CCDC42: variants seen among roughly 807,000 people sequenced by gnomAD.
CCDC42 encodes the protein coiled-coil domain containing 42, also known as coiled-coil domain-containing protein 42.
A neutral mutation model predicts 40.8 loss-of-function variants in CCDC42; 38 were observed. The observed-to-expected ratio is 0.93, with a 90% CI of 0.72 to 1.22. The LOEUF (loss-of-function observed/expected upper bound fraction) is 1.22. Among genes scored for constraint, CCDC42 ranks in the 50% most tolerant of loss-of-function variants. The pLI is 0.00. For synonymous variants in CCDC42, 135 were observed against 157.5 expected (o/e 0.86, Z 1.07); for missense variants, 379 against 416.5 (o/e 0.91, Z 0.78).
In CCDC42 at chr17:8,737,870, C is replaced by T. The variant is rs538604294; in HGVS notation, c.493-2259G>A. Among the ~76,000 whole-genome samples, 21 of 152,356 alleles carry T rather than the reference C, an allele frequency of 1.4e-4. 1 individual carries two copies. Among genetic ancestry groups the T allele is most frequent in the Admixed American group, 4.6e-4 (7 of 15,308 alleles). ...TCACTCTATTGTTCAGGCTGGACTA[C>T]AGTGGCATAAACACAGCTCACTGCA... On this transcript the variant is annotated intron_variant, in intron 4 of 6. Coordinates refer to ENST00000293845, the MANE Select transcript of CCDC42 (RefSeq NM_144681.3).
chr17:8,732,066 C>T (rs1203270598), intron 6 of CCDC42, among the ~76,000 whole-genome samples: 3 of 151,784 alleles, frequency 2.0e-5, no homozygotes, highest in East Asian at 1.9e-4. Flanking sequence ...TTTGGGAGGC[C>T]GAGGCGGGCG....
In CCDC42 at chr17:8,743,616, C is replaced by G. The variant is rs377506665; in HGVS notation, c.294+10G>C. On this transcript the variant is annotated intron_variant, in intron 3 of 6. Transcript: ENST00000293845. The stretch of plus-strand genomic sequence containing the variant: ...CCCTGGCCACTGCGGCCGCCCACAC[C>G]CCTTCAAACCTGGATGAACTGCTCA... The G allele has an allele frequency of 1.3e-6, 2 of 1,551,850 alleles. No individual in the cohort carries two copies. Among genetic ancestry groups the G allele is most frequent in the African/African-American group, 2.7e-5 (2 of 73,530 alleles).
chr17:8,742,604 G>A (rs114016946), intron 3 of CCDC42, among the ~76,000 whole-genome samples: 27 of 152,334 alleles, frequency 1.8e-4, no homozygotes, highest in African/African-American at 5.8e-4. Flanking sequence ...ATGTGGTGGT[G>A]GCACTTGGAG....
chr17:8,743,782 G>C, intron 2 of CCDC42, 52 bp from the exon 3 acceptor site: 1 of 1,084,094 alleles, frequency 9.2e-7, no homozygotes, highest in Non-Finnish European at 1.4e-6. Context: ...CCTGACATGA[G>C]TACCAAGGAA....
intron 6 of CCDC42, among the ~76,000 whole-genome samples, chr17:8,734,558 T>G (rs1278787850): frequency 1.3e-5 from 2 of 152,000 alleles, no homozygotes; most frequent in African/African-American, 4.8e-5. Context: ...TGTTTGTTTG[T>G]TTTTTTGAGG....
chr17:8,732,317 A>C (rs909901855), intron 6 of CCDC42, among the ~76,000 whole-genome samples: 2 of 147,866 alleles, frequency 1.4e-5, no homozygotes, highest in African/African-American at 2.5e-5. Flanking sequence ...AAAAAAAAAA[A>C]AAAAAACCTG....
chr17:8,737,528 A>G (rs1049117485), intron 4 of CCDC42, among the ~76,000 whole-genome samples: 1 of 152,196 alleles, frequency 6.6e-6, no homozygotes, highest in East Asian at 1.9e-4. Flanking sequence ...TAGTAATCAA[A>G]TGGTGGATGA....
At chr17:8,742,989 A>T (rs1276495042) in intron 3 of CCDC42, among the ~76,000 whole-genome samples, 2 of 152,218 alleles carry the variant, frequency 1.3e-5, no homozygotes, top group East Asian at 3.8e-4. Context: ...CGGCTTAGGC[A>T]CAGAGCAGGA....
chr17:8,732,096 C>T (rs965735807), intron 6 of CCDC42, among the ~76,000 whole-genome samples: 2 of 151,938 alleles, frequency 1.3e-5, no homozygotes, highest in Admixed American at 6.6e-5. Context: ...GTCAGGAGAT[C>T]GAGACCACCC....
chr17:8,744,548 TC>T lies in CCDC42; in HGVS notation c.61del (p.Glu21SerfsTer52). ...LAEYFRLQYG[E>X]RLLQMLQKLP... ...TCACTGGAGCATCTGCAGCAGCCGC[TC>T]CCCATACTGCAGCCGGAAGTACTCG... On this transcript the variant is annotated frameshift_variant, in exon 1 of 7. Coordinates refer to ENST00000293845, the MANE Select transcript of CCDC42 (RefSeq NM_144681.3). LOFTEE classifies it high-confidence loss of function. 6.2e-7 allele frequency: 1 copy of T among 1,612,100 alleles called. No individual in the cohort carries two copies. Among genetic ancestry groups the T allele is most frequent in the East Asian group, 2.2e-5 (1 of 44,868 alleles).
At chr17:8,733,499 G>A (rs988242304) in intron 6 of CCDC42, among the ~76,000 whole-genome samples, 1 of 152,180 alleles carries the variant, frequency 6.6e-6, no homozygotes, top group Non-Finnish European at 1.5e-5. Context: ...GCATCTCCCA[G>A]TGAATCTTGA....
intron 4 of CCDC42, among the ~76,000 whole-genome samples, chr17:8,738,010 T>TC (rs1555632004): frequency 6.6e-6 from 1 of 151,336 alleles, no homozygotes; most frequent in Non-Finnish European, 1.5e-5. Context: ...TTTGCAGATT[T>TC]GGGGGGGGTC....
rs1354374696 is a variant in CCDC42, at chr17:8,735,655, C to CAGGA, written c.493-45_493-44insTCCT. On this transcript the variant is annotated intron_variant, in intron 4 of 6. Transcript: ENST00000293845. This position sits in a 1 kb window ranked among gnomAD's most constrained non-coding sequence, Gnocchi z 4.7. ...GTCAATGCACAGCCAGCCCCTGGGG[C>CAGGA]CTGAGGGAGCCACCCAGTCCTGCCA... is the stretch of plus-strand genomic sequence containing the variant. The CAGGA allele has an allele frequency of 9.1e-6, 14 of 1,536,118 alleles. No homozygotes were observed. Among genetic ancestry groups the CAGGA allele is most frequent in the Non-Finnish European group, 1.2e-5 (14 of 1,124,936 alleles).
At chr17:8,737,000 A>AAAGG (rs1302048553) in intron 4 of CCDC42, among the ~76,000 whole-genome samples, 1 of 127,594 alleles carries the variant, frequency 7.8e-6, no homozygotes, top group East Asian at 2.4e-4. Context: ...AGGGAGGGAG[A>AAAGG]AAGGAAGGAA....
intron 3 of CCDC42, 98 bp downstream of exon 3, chr17:8,743,528 G>A (rs1349485852): frequency 5.1e-6 from 4 of 777,704 alleles, no homozygotes; most frequent in Non-Finnish European, 9.4e-6. Context: ...TTTTAACTCA[G>A]GGCGAGGAGT....
At position 8,743,738 on chromosome 17, in the gene CCDC42, G is replaced by T; in HGVS notation, c.190-8C>A. 5.2e-6 allele frequency: 8 copies of T among 1,528,126 alleles called. No individual in the cohort carries two copies. The highest frequency in any genetic ancestry group is 1.4e-5 in the African/African-American group (1 of 72,966). 94.7% of individuals were successfully genotyped at this position (1,528,126 alleles called of 1,614,324 possible). A position where few individuals can be genotyped will look rare whatever the true frequency, so the allele number is the denominator to read the frequency against. On this transcript the variant is annotated splice_polypyrimidine_tract_variant and splice_region_variant and intron_variant, in intron 2 of 6. Transcript: ENST00000293845. ...CATTCTGCGCTGAAACATCTTTGGG[G>T]TGGGGGTGGGAGAGCAGAGAGGTCA...
chr17:8,735,431 G>A lies in CCDC42; in HGVS notation c.673C>T (p.Gln225Ter). Residue 225 changes from glutamine (Q) to a stop codon, truncating the protein, a stop_gained, in exon 5 of 7, where the codon CAG (glutamine) becomes TAG (stop). Transcript: ENST00000293845. LOFTEE classifies it high-confidence loss of function. This position sits in a 1 kb window ranked among gnomAD's most constrained non-coding sequence, Gnocchi z 4.7. ...LQQNNELARL[Q>*]MRFDRARSNV... ...CTGCGGGCACGGTCAAAGCGCATCT[G>A]CAGCCTTGCCAGCTCATTGTTTTGC... is the stretch of plus-strand genomic sequence containing the variant. 4.3e-6 allele frequency: 7 copies of A among 1,613,996 alleles called. No individual in the cohort carries two copies. The highest frequency in any genetic ancestry group is 5.9e-6 in the Non-Finnish European group (7 of 1,180,036).
Position 8,741,473 on chromosome 17 carries a change from C to T in CCDC42, c.492+1G>A, listed in dbSNP as rs1381285311. 1.9e-6 allele frequency: 3 copies of T among 1,614,038 alleles called. No individual in the cohort carries two copies. The highest frequency in any genetic ancestry group is 2.7e-5 in the African/African-American group (2 of 74,946). On this transcript the variant is annotated splice_donor_variant, in intron 4 of 6. Coordinates refer to ENST00000293845, the MANE Select transcript of CCDC42 (RefSeq NM_144681.3). LOFTEE classifies it high-confidence loss of function. The stretch of plus-strand genomic sequence containing the variant: ...CCGGCCCCCCTGCTCCTTGGACTCA[C>T]CTCGGAGTTCTCCACCACCTTCTCT...
chr17:8,742,994 G>A (rs1466161620), intron 3 of CCDC42, among the ~76,000 whole-genome samples: 1 of 152,244 alleles, frequency 6.6e-6, no homozygotes, highest in Non-Finnish European at 1.5e-5. Flanking sequence ...TAGGCACAGA[G>A]CAGGAAGGAA....
Sources: gnomAD v4.1 joint callset for allele counts (sites outside exome capture counted in the v4.1 genomes callset) on GRCh38, gnomAD v4.1.1 for gene constraint, Gnocchi (gnomAD v3.1) non-coding constraint, MANE v1.5 for transcripts, NCBI Gene and HGNC (gene_info 2026-07-23, HGNC 2026-07-21) for gene names.